Variants in USP15 observed in about 807,000 individuals in gnomAD.
The protein encoded by USP15 is ubiquitin carboxyl-terminal hydrolase 15.
In USP15, 18 loss-of-function variants were observed where a neutral mutation model predicts 127.1. That is an observed-to-expected ratio of 0.14 (90% CI 0.10 to 0.21). The LOEUF (loss-of-function observed/expected upper bound fraction) is 0.21. USP15 is among the 10% of genes least tolerant of loss of function. The probability of loss-of-function intolerance (pLI) is 1.00; values close to 1 mark genes in which losing one functional copy is unlikely to be tolerated. For missense variants in USP15, 805 were observed against 1,159.9 expected (o/e 0.69, Z 4.44); for synonymous variants, 364 against 393.7 (o/e 0.92, Z 0.89).
At chr12:62,372,827 A>G (rs1461134768) in intron 8 of USP15, among the ~76,000 whole-genome samples, 1 of 152,100 alleles carries the variant, frequency 6.6e-6, no homozygotes, top group Non-Finnish European at 1.5e-5. Flanking sequence ...ATTCCATTCA[A>G]TTCTTCTATT....
chr12:62,397,045 C>T (rs532388567), intron 20 of USP15, among the ~76,000 whole-genome samples: 3 of 152,128 alleles, frequency 2.0e-5, no homozygotes, highest in East Asian at 3.9e-4. Context: ...CTCTAACACT[C>T]GACACTCTGC....
intron 2 of USP15, among the ~76,000 whole-genome samples, chr12:62,297,422 C>G (rs1225077417): frequency 1.3e-5 from 2 of 152,110 alleles, no homozygotes; most frequent in Admixed American, 1.3e-4. Context: ...AAGTGGCTTG[C>G]TGCACTCAGC....
intron 8 of USP15, among the ~76,000 whole-genome samples, chr12:62,373,819 T>A (rs1429496297): frequency 6.6e-6 from 1 of 151,920 alleles, no homozygotes; most frequent in African/African-American, 2.4e-5. Flanking sequence ...TAATGAGATT[T>A]CCCTTTCTTA....
intron 4 of USP15, among the ~76,000 whole-genome samples, chr12:62,318,310 C>A (rs1479763310): frequency 6.6e-6 from 1 of 152,198 alleles, no homozygotes; most frequent in Non-Finnish European, 1.5e-5. Context: ...ACCTACCACT[C>A]TGTTGGTACT....
At chr12:62,335,839 TC>T in intron 6 of USP15, 1 of 985,438 alleles carries the variant, frequency 1.0e-6, no homozygotes, top group Non-Finnish European at 1.2e-6. Flanking sequence ...CTTTAGTATT[TC>T]TTTTTGATAA....
chr12:62,344,279 G>T (rs1264611612), intron 6 of USP15, among the ~76,000 whole-genome samples: 1 of 152,198 alleles, frequency 6.6e-6, no homozygotes, highest in Non-Finnish European at 1.5e-5. Flanking sequence ...CCAAATGGGA[G>T]AAATTGGCCA....
chr12:62,317,093 A>G (rs1173241753), intron 4 of USP15, among the ~76,000 whole-genome samples: 1 of 152,184 alleles, frequency 6.6e-6, no homozygotes, highest in Admixed American at 6.5e-5. Flanking sequence ...AGAATACAAA[A>G]TATCAACATA....
At chr12:62,322,414 G>A (rs2065009091) in intron 5 of USP15, among the ~76,000 whole-genome samples, 1 of 152,204 alleles carries the variant, frequency 6.6e-6, no homozygotes, top group South Asian at 2.1e-4. Context: ...GGGATTACAG[G>A]TGTGCGCCAC....
chr12:62,388,282 G>A (rs1005288746), intron 11 of USP15, among the ~76,000 whole-genome samples: 3 of 152,012 alleles, frequency 2.0e-5, no homozygotes, highest in East Asian at 3.9e-4. Context: ...ACAGGTGTGC[G>A]CCTCCGAGCC....
At chr12:62,289,363 C>G (rs1168412684) in intron 1 of USP15, among the ~76,000 whole-genome samples, 1 of 152,046 alleles carries the variant, frequency 6.6e-6, no homozygotes, top group Non-Finnish European at 1.5e-5. Flanking sequence ...AGTTTACCCA[C>G]TTCCTCTAGG....
chr12:62,397,722 T>G (rs1422828309), intron 20 of USP15, among the ~76,000 whole-genome samples: 1 of 151,400 alleles, frequency 6.6e-6, no homozygotes, highest in African/African-American at 2.4e-5. Flanking sequence ...TTGGGTGTGG[T>G]GGCACGTGCC....
At chr12:62,268,519 C>T (rs1028014364) in intron 1 of USP15, among the ~76,000 whole-genome samples, 1 of 152,120 alleles carries the variant, frequency 6.6e-6, no homozygotes, top group African/African-American at 2.4e-5. Context: ...ATTAACATAT[C>T]TCTGTTTTGA....
intron 1 of USP15, among the ~76,000 whole-genome samples, chr12:62,270,665 A>G (rs866378250): frequency 6.6e-6 from 1 of 151,994 alleles, no homozygotes; most frequent in Non-Finnish European, 1.5e-5. Flanking sequence ...TTGAAAATCA[A>G]TTGACTGTAA....
chr12:62,334,550 C>CT lies in USP15; in HGVS notation c.683+8619dup, dbSNP rs559483346. On this transcript the variant is annotated intron_variant, in intron 6 of 21. Coordinates refer to ENST00000280377, the MANE Select transcript of USP15 (RefSeq NM_001252078.2). ...GCTGTTGAACTGAACTAATCTGTAT[C>CT]TTACAACAGTAAAAGTGTTTAATTT... Among the ~76,000 whole-genome samples the CT allele has an allele frequency of 5.4e-3, 815 of 152,242 alleles. 13 individuals carry two copies. Among genetic ancestry groups the CT allele is most frequent in the African/African-American group, 0.019 (791 of 41,568 alleles).
rs370076023 is a variant in USP15 at position 62,404,323 on chromosome 12, G to A, written c.2894G>A (p.Ser965Asn). The change falls in exon 22 of 22, where the codon AGC becomes AAC. Residue 965 changes from serine to asparagine, a missense_variant. Ser to Asn is a conservative substitution (Grantham distance 46). Transcript: ENST00000280377. Reference sequence around the variant, plus strand: ...ATCCCATTAGAAAGTGATGAAGATAGCAATGATAATGACAATGATATAGAA... The same window carrying A: ...ATCCCATTAGAAAGTGATGAAGATAACAATGATAATGACAATGATATAGAA... Reference protein sequence around the residue: ...TGIPLESDEDSNDNDNDIENE... With the variant: ...TGIPLESDEDNNDNDNDIENE... 1.9e-6 allele frequency: 3 copies of A among 1,612,780 alleles called. No individual in the cohort carries two copies. The highest frequency in any genetic ancestry group is 2.5e-6 in the Non-Finnish European group (3 of 1,179,134).
intron 6 of USP15, chr12:62,334,270 T>A (rs2065391046): frequency 6.6e-6 from 1 of 152,198 alleles, no homozygotes; most frequent in African/African-American, 2.4e-5. Context: ...AAAATTTCTG[T>A]AATAAAGTTT....
chr12:62,302,689 A>C, intron 2 of USP15, 101 bp from the exon 3 acceptor site: 1 of 1,343,352 alleles, frequency 7.4e-7, no homozygotes, highest in South Asian at 1.7e-5. Flanking sequence ...AGAGCTTAAA[A>C]CTTGTTTTAA....
intron 21 of USP15, among the ~76,000 whole-genome samples, chr12:62,402,443 A>C (rs2067722232): frequency 6.6e-6 from 1 of 152,026 alleles, no homozygotes; most frequent in Non-Finnish European, 1.5e-5. Flanking sequence ...GTCTCAACTC[A>C]GATTTGGGGT....
chr12:62,363,033 A>G (rs2066363347), intron 8 of USP15, among the ~76,000 whole-genome samples: 1 of 152,196 alleles, frequency 6.6e-6, no homozygotes. Context: ...GGGGAGTGAG[A>G]CAAAATGAGT....
Sources: gnomAD v4.1 joint callset for allele counts (sites outside exome capture counted in the v4.1 genomes callset) on GRCh38, gnomAD v4.1.1 for gene constraint, MANE v1.5 for transcripts, NCBI Gene and HGNC (gene_info 2026-07-23, HGNC 2026-07-21) for gene names.